Variants in ARHGEF28 observed in about 807,000 individuals in gnomAD.
ARHGEF28 encodes the protein 190 kDa guanine nucleotide exchange factor.
In ARHGEF28, 152 loss-of-function variants were observed where a neutral mutation model predicts 206.6. That is an observed-to-expected ratio of 0.74 (90% CI 0.64 to 0.84). The LOEUF (loss-of-function observed/expected upper bound fraction) is 0.84. Ranked by LOEUF, ARHGEF28 falls within the 40% of genes least tolerant of loss-of-function variation. The pLI, the probability that ARHGEF28 is intolerant of heterozygous loss-of-function variation, is 0.00. For synonymous variants in ARHGEF28, 763 were observed against 776.4 expected, an observed-to-expected ratio of 0.98 and a Z score of 0.29; for missense variants, 2,028 against 2,073.2, an observed-to-expected ratio of 0.98 and a Z score of 0.42.
At chr5:73,868,315 T>A (rs1759845884) in intron 20 of ARHGEF28, 88 bp downstream of exon 20, 3 of 1,300,524 alleles carry the variant, frequency 2.3e-6, no homozygotes, top group Non-Finnish European at 2.0e-6. Context: ...ATTGAAGCAT[T>A]TTTTTTTTCT....
At chr5:73,652,641 T>A (rs1425312049) in intron 1 of ARHGEF28, among the ~76,000 whole-genome samples, 1 of 152,170 alleles carries the variant, frequency 6.6e-6, no homozygotes, top group East Asian at 1.9e-4. Context: ...AATTCAAAGG[T>A]GGTGTCAGAA....
intron 1 of ARHGEF28, 87 bp from the exon 2 acceptor site, chr5:73,684,754 C>G (rs947372538): frequency 1.9e-5 from 22 of 1,181,822 alleles, no homozygotes; most frequent in Non-Finnish European, 2.4e-5. Flanking sequence ...GCTTCTCCCT[C>G]CACAATATTG....
chr5:73,794,762 A>G (rs1460164348), intron 8 of ARHGEF28, among the ~76,000 whole-genome samples: 2 of 151,972 alleles, frequency 1.3e-5, no homozygotes, highest in African/African-American at 2.4e-5. Context: ...GCCCACCACC[A>G]CGTCTGGCTA....
chr5:73,707,607 T>A (rs1749013300), intron 2 of ARHGEF28, among the ~76,000 whole-genome samples: 1 of 152,216 alleles, frequency 6.6e-6, no homozygotes, highest in Admixed American at 6.5e-5. Context: ...AGCCATATGG[T>A]CAATTTAATT....
chr5:73,918,091 T>A (rs1363673817), intron 35 of ARHGEF28, among the ~76,000 whole-genome samples: 1 of 152,130 alleles, frequency 6.6e-6, no homozygotes. Flanking sequence ...GTTTTTAAGG[T>A]TTGCTTAAAA....
chr5:73,673,112 T>C (rs1044598930), intron 1 of ARHGEF28, among the ~76,000 whole-genome samples: 2 of 152,240 alleles, frequency 1.3e-5, no homozygotes, highest in Non-Finnish European at 2.9e-5. Context: ...GAAACAGGTC[T>C]ATAGACACTG....
chr5:73,631,715 C>G lies in ARHGEF28; in HGVS notation c.-12+5393C>G, dbSNP rs570165515. ...GTGTCAACTGCCTCCTGCTGTTTCT[C>G]CCTTGTGAACTCTCCAGTTCTGTTA... is the stretch of plus-strand genomic sequence containing the variant. On this transcript the variant is annotated intron_variant, in intron 1 of 35. Coordinates refer to ENST00000513042, the MANE Select transcript of ARHGEF28 (RefSeq NM_001177693.2). 2.0e-5 allele frequency among the ~76,000 whole-genome samples: 3 copies of G among 152,258 alleles called. No homozygotes were observed. The South Asian group carries it at 6.2e-4, about 32-fold the overall frequency.
At chr5:73,834,057 A>T (rs1757457670) in intron 10 of ARHGEF28, among the ~76,000 whole-genome samples, 1 of 152,156 alleles carries the variant, frequency 6.6e-6, no homozygotes, top group Non-Finnish European at 1.5e-5. Flanking sequence ...TTCCAGCTTT[A>T]TTAAGGTATA....
At chr5:73,907,895 C>T (rs980210019) in intron 33 of ARHGEF28, among the ~76,000 whole-genome samples, 6 of 152,076 alleles carry the variant, frequency 3.9e-5, no homozygotes, top group Non-Finnish European at 5.9e-5. Context: ...GTAACTCTTA[C>T]GTGAGAGTTA....
At chr5:73,836,758 C>T (rs1399048536) in intron 10 of ARHGEF28, among the ~76,000 whole-genome samples, 2 of 152,050 alleles carry the variant, frequency 1.3e-5, no homozygotes, top group Non-Finnish European at 2.9e-5. Flanking sequence ...GGAGTTTTTC[C>T]TCTGTGCTTC....
At chr5:73,669,769 C>T (rs1746192056) in intron 1 of ARHGEF28, among the ~76,000 whole-genome samples, 1 of 152,186 alleles carries the variant, frequency 6.6e-6, no homozygotes, top group African/African-American at 2.4e-5. Context: ...TAGCTGCAAC[C>T]TCTGCCTCCC....
At chr5:73,663,758 T>G (rs1372375797) in intron 1 of ARHGEF28, among the ~76,000 whole-genome samples, 1 of 152,240 alleles carries the variant, frequency 6.6e-6, no homozygotes, top group Non-Finnish European at 1.5e-5. Flanking sequence ...GTTGAAGATT[T>G]CTTTGTAACT....
At chr5:73,741,568 C>G (rs187557692) in intron 2 of ARHGEF28, among the ~76,000 whole-genome samples, 1 of 150,652 alleles carries the variant, frequency 6.6e-6, no homozygotes, top group Non-Finnish European at 1.5e-5. Flanking sequence ...TATAGGTGTG[C>G]GCCACCAAGC....
intron 14 of ARHGEF28, 32 bp from the exon 15 acceptor site, chr5:73,857,624 A>G: frequency 6.4e-7 from 1 of 1,550,520 alleles, no homozygotes; most frequent in South Asian, 1.2e-5. Flanking sequence ...CCTAAGTCAT[A>G]TGAGCCATGA....
chr5:73,804,759 A>G (rs1358892230), intron 9 of ARHGEF28, among the ~76,000 whole-genome samples: 1 of 152,144 alleles, frequency 6.6e-6, no homozygotes, highest in Non-Finnish European at 1.5e-5. Flanking sequence ...ACCCAAAGGT[A>G]AAGTGCTGTT....
chr5:73,851,981 G>C (rs79400050), intron 13 of ARHGEF28, among the ~76,000 whole-genome samples: 2,881 of 152,192 alleles, frequency 0.019, 95 homozygotes, highest in African/African-American at 0.066. Context: ...CACAGTGACT[G>C]CCCCCTCCTT....
intron 1 of ARHGEF28, among the ~76,000 whole-genome samples, chr5:73,683,273 G>C (rs939145597): frequency 1.3e-5 from 2 of 152,024 alleles, no homozygotes; most frequent in African/African-American, 4.8e-5. Context: ...ACATTGCTGT[G>C]AGACCATTAC....
intron 16 of ARHGEF28, among the ~76,000 whole-genome samples, chr5:73,860,830 C>A (rs1759352789): frequency 6.6e-6 from 1 of 152,184 alleles, no homozygotes; most frequent in Non-Finnish European, 1.5e-5. Context: ...TCATCTGGAA[C>A]TGCTCATTAG....
chr5:73,629,733 A>G (rs1042104040), intron 1 of ARHGEF28, among the ~76,000 whole-genome samples: 1 of 152,180 alleles, frequency 6.6e-6, no homozygotes, highest in Non-Finnish European at 1.5e-5. Context: ...AGAAAGTAAA[A>G]AAGTATATAA....
Sources: gnomAD v4.1 joint callset for allele counts (sites outside exome capture counted in the v4.1 genomes callset) on GRCh38, gnomAD v4.1.1 for gene constraint, MANE v1.5 for transcripts, NCBI Gene and HGNC (gene_info 2026-07-23, HGNC 2026-07-21) for gene names.